ART4: variants seen among roughly 807,000 people sequenced by gnomAD.
ART4 encodes ADP-ribosyltransferase 4 (inactive) (Dombrock blood group).
In ART4, 14 loss-of-function variants were observed where a neutral mutation model predicts 24.2. The ratio of observed to expected loss-of-function variants is 0.58; its 90% CI spans 0.38 to 0.90. ART4 has a LOEUF of 0.90. Ranked by LOEUF, ART4 falls within the 40% of genes least tolerant of loss-of-function variation. ART4 has a pLI of 0.00. For missense variants in ART4, 356 were observed against 366.6 expected (o/e 0.97, Z 0.24); for synonymous variants, 145 against 139.9 (o/e 1.04, Z -0.26).
intron 2 of ART4, among the ~76,000 whole-genome samples, chr12:14,839,750 A>C (rs1056264260): frequency 1.3e-5 from 2 of 152,186 alleles, no homozygotes; most frequent in Non-Finnish European, 2.9e-5. Flanking sequence ...GACACATTCA[A>C]ACCACAGCAA....
At chr12:14,829,495 G>A (rs776381226) in intron 2 of ART4, 33 bp from the exon 3 acceptor site, 6 of 1,532,126 alleles carry the variant, frequency 3.9e-6, no homozygotes, top group South Asian at 3.5e-5. Context: ...AATATTTTAG[G>A]TAGCAGAGTT....
At chr12:14,839,533 GTA>G (rs1950452443) in intron 2 of ART4, among the ~76,000 whole-genome samples, 1 of 152,174 alleles carries the variant, frequency 6.6e-6, no homozygotes, top group African/African-American at 2.4e-5. Context: ...AGAGAAGTTG[GTA>G]CACAAGACAG....
At chr12:14,836,899 A>T (rs1486363682) in intron 2 of ART4, among the ~76,000 whole-genome samples, 1 of 152,162 alleles carries the variant, frequency 6.6e-6, no homozygotes, top group Non-Finnish European at 1.5e-5. Context: ...TATTAAGTTG[A>T]GAACTTTAAA....
chr12:14,830,662 T>C (rs1386666288), intron 2 of ART4, among the ~76,000 whole-genome samples: 1 of 81,034 alleles, frequency 1.2e-5, no homozygotes, highest in South Asian at 3.8e-4. Context: ...TATATATATA[T>C]ATATATATAT....
Position 14,840,776 on chromosome 12 carries a change from G to A in ART4, c.522C>T (p.Ser174=), listed in dbSNP as rs1863032163. The A allele has an allele frequency of 1.9e-6, 3 of 1,614,062 alleles. No homozygotes were observed. Among genetic ancestry groups the A allele is most frequent in the Admixed American group, 1.7e-5 (1 of 59,998 alleles). The stretch of plus-strand genomic sequence containing the variant: ...AGCACAGAGTGCCATTCTCCATGAT[G>A]CTGTCTTTCCTCAGCAGCTGGATTG... The part of the protein sequence containing the change: ...TSAIQLLRKD[S]IMENGTLCYE... The change falls in exon 2 of 3, where the codon AGC becomes AGT. Residue 174 remains serine, a synonymous_variant. Transcript: ENST00000228936.
At chr12:14,830,958 T>C (rs1293226372) in intron 2 of ART4, among the ~76,000 whole-genome samples, 3 of 151,918 alleles carry the variant, frequency 2.0e-5, no homozygotes, top group African/African-American at 4.8e-5. Flanking sequence ...TGTTTTTTTT[T>C]CCTCTTCACT....
chr12:14,843,092 A>C lies in ART4; in HGVS notation c.22T>G (p.Cys8Gly), dbSNP rs147851824. MGPLINR[C>G]KKILLPTTVP... ...GTAGTTGGGAGAAGAATCTTCTTGC[A>C]TCTGTTGATCAATGGACCCATTTGC... is the stretch of plus-strand genomic sequence containing the variant. Residue 8 changes from cysteine to glycine, a missense_variant, in exon 1 of 3, where the codon TGC (cysteine) becomes GGC (glycine). Transcript: ENST00000228936. 9 of 1,614,082 alleles carry C rather than the reference A, an allele frequency of 5.6e-6. No individual in the cohort carries two copies. The highest frequency in any genetic ancestry group is 7.6e-6 in the Non-Finnish European group (9 of 1,180,024).
At chr12:14,837,632 G>T (rs1454512327) in intron 2 of ART4, among the ~76,000 whole-genome samples, 3 of 152,026 alleles carry the variant, frequency 2.0e-5, no homozygotes, top group African/African-American at 7.3e-5. Context: ...TCCTACCTCA[G>T]CCTCCTCAGT....
rs755423880 is a variant in ART4 at position 14,840,457 on chromosome 12, G to C, written c.841C>G (p.Gln281Glu). Residue 281 changes from glutamine to glutamate, a missense_variant, in exon 2 of 3, where the codon CAG (glutamine) becomes GAG (glutamate). Physicochemically the swap from Gln to Glu is conservative, Grantham distance 29. Coordinates refer to ENST00000228936, the MANE Select transcript of ART4 (RefSeq NM_021071.4). ...AGATAAAGAATACCTTTTAGCAGCT[G>C]ACAGTTATATGTGCTCAGGTTCCCA... is the stretch of plus-strand genomic sequence containing the variant. ...STGNLSTYNCQLLKASSKKCI... is the reference protein window; with the variant it reads ...STGNLSTYNCELLKASSKKCI... The C allele has an allele frequency of 1.2e-6, 2 of 1,606,450 alleles. No individual in the cohort carries two copies. Among genetic ancestry groups the C allele is most frequent in the African/African-American group, 2.7e-5 (2 of 74,446 alleles).
Position 14,827,435 on chromosome 12 carries a change from T to C in ART4, c.*1936A>G, listed in dbSNP as rs992246608. On this transcript the variant is annotated 3_prime_UTR_variant, in exon 3 of 3. Transcript: ENST00000228936. ...TTCTTTTTTTGAGATCGAGTCTCAC[T>C]CTGTTGCCCAGGCTGGAGTGCAGTG... 2 of 152,480 alleles carry C rather than the reference T, an allele frequency of 1.3e-5. No homozygotes were observed. The highest frequency in any genetic ancestry group is 4.8e-5 in the African/African-American group (2 of 41,450). 9.4% of individuals were successfully genotyped at this position (152,480 alleles called of 1,614,324 possible).
At position 14,841,024 on chromosome 12, in the gene ART4, T is replaced by A; in HGVS notation, c.274A>T (p.Asn92Tyr). 1 of 1,614,204 alleles carries A rather than the reference T, an allele frequency of 6.2e-7. No homozygotes were observed. Among genetic ancestry groups the A allele is most frequent in the East Asian group, 2.2e-5 (1 of 44,880 alleles). Residue 92 changes from asparagine (N) to tyrosine (Y), a missense_variant, in exon 2 of 3, where the codon AAT becomes TAT. Transcript: ENST00000228936. The stretch of plus-strand genomic sequence containing the variant: ...GCTTTTTGCCACATCCTAAAATAAT[T>A]CTTCTGGGCTTCTATGTCTTTTGTG... ...YFTKDIEAQK[N>Y]YFRMWQKAHL...
intron 2 of ART4, among the ~76,000 whole-genome samples, 189 bp from the exon 3 acceptor site, chr12:14,829,651 C>A (rs916791577): frequency 2.0e-5 from 3 of 152,162 alleles, no homozygotes; most frequent in African/African-American, 7.2e-5. Context: ...ATGAAACAGA[C>A]ACCAAGAGGT....
Position 14,833,323 on chromosome 12 carries a change from T to C in ART4, c.854-3861A>G, listed in dbSNP as rs931616022. 1.3e-5 allele frequency among the ~76,000 whole-genome samples: 2 copies of C among 152,230 alleles called. 1 individual carries two copies. The highest frequency in any genetic ancestry group is 1.3e-4 in the Admixed American group (2 of 15,282). On this transcript the variant is annotated intron_variant, in intron 2 of 2. Transcript: ENST00000228936. ...CAGTCATAGTCAAGAAGCTTAAAACTAACGGTAGTTTCTCAGCTATATTTG... is the reference window on the plus strand; with the variant it reads ...CAGTCATAGTCAAGAAGCTTAAAACCAACGGTAGTTTCTCAGCTATATTTG...
Position 14,829,346 on chromosome 12 carries a change from A to T in ART4, c.*25T>A. 2 of 1,436,234 alleles carry T rather than the reference A, an allele frequency of 1.4e-6. No individual in the cohort carries two copies. Among genetic ancestry groups the T allele is most frequent in the Non-Finnish European group, 1.9e-6 (2 of 1,068,244 alleles). 89.0% of individuals were successfully genotyped at this position (1,436,234 alleles called of 1,614,324 possible). On this transcript the variant is annotated 3_prime_UTR_variant, in exon 3 of 3. Coordinates refer to ENST00000228936, the MANE Select transcript of ART4 (RefSeq NM_021071.4). ...AAGATTTTATTTAAATATTTTTTTT[A>T]AATAAAAGGAGCCACAAGATTTCTT...
intron 2 of ART4, among the ~76,000 whole-genome samples, chr12:14,830,645 G>GTATGTGTA (rs1398493625): frequency 5.0e-4 from 20 of 40,152 alleles, no homozygotes; most frequent in African/African-American, 1.9e-3. Context: ...TGTACTGTAT[G>GTATGTGTA]TATGTATATA....
In ART4 at chr12:14,827,377, TA is replaced by T. The variant is rs1950365992; in HGVS notation, c.*1993del. 1.3e-5 allele frequency: 2 copies of T among 152,502 alleles called. No homozygotes were observed. The highest frequency in any genetic ancestry group is 3.3e-3 in the Middle Eastern group (1 of 300). 9.4% of individuals were successfully genotyped at this position (152,502 alleles called of 1,614,324 possible). A position where few individuals can be genotyped will look rare whatever the true frequency, so the allele number is the denominator to read the frequency against. ...AAGACCCTATCCTATGCAAGTCACA[TA>T]AATTGTCTGTTTGTAGAAATTCTTT... On this transcript the variant is annotated 3_prime_UTR_variant, in exon 3 of 3. Coordinates refer to ENST00000228936, the MANE Select transcript of ART4 (RefSeq NM_021071.4).
rs955752485 is a variant in ART4, at chr12:14,825,841, T to C, written c.*3530A>G. ...TAATAGGCGTATTAAAGAGAACACC[T>C]TGTTATAAAAATAAAGTATTACATG... On this transcript the variant is annotated 3_prime_UTR_variant, in exon 3 of 3. Coordinates refer to ENST00000228936, the MANE Select transcript of ART4 (RefSeq NM_021071.4). 3.3e-5 allele frequency: 5 copies of C among 152,214 alleles called. No homozygotes were observed. Among genetic ancestry groups the C allele is most frequent in the African/African-American group, 1.2e-4 (5 of 41,466 alleles). 9.4% of individuals were successfully genotyped at this position (152,214 alleles called of 1,614,324 possible).
In ART4 at chr12:14,843,185, T is replaced by C; in HGVS notation, c.-72A>G. 4.4e-6 allele frequency: 7 copies of C among 1,585,054 alleles called. No individual in the cohort carries two copies. Among genetic ancestry groups the C allele is most frequent in the Non-Finnish European group, 6.0e-6 (7 of 1,162,098 alleles). On this transcript the variant is annotated 5_prime_UTR_variant, in exon 1 of 3. Coordinates refer to ENST00000228936, the MANE Select transcript of ART4 (RefSeq NM_021071.4). Reference sequence around the variant, plus strand: ...TGAGATGAATTCTCAGAGTTCTCCTTTGAGGTTTTCTTTCAGTCTCATCCG... The same window carrying C: ...TGAGATGAATTCTCAGAGTTCTCCTCTGAGGTTTTCTTTCAGTCTCATCCG...
At chr12:14,839,224 T>G (rs534807292) in intron 2 of ART4, among the ~76,000 whole-genome samples, 11 of 152,266 alleles carry the variant, frequency 7.2e-5, no homozygotes, top group African/African-American at 2.4e-4. Context: ...ATCAGAATTC[T>G]CCTACCTGGA....
Sources: gnomAD v4.1 joint callset for allele counts (sites outside exome capture counted in the v4.1 genomes callset) on GRCh38, gnomAD v4.1.1 for gene constraint, MANE v1.5 for transcripts, NCBI Gene and HGNC (gene_info 2026-07-23, HGNC 2026-07-21) for gene names.